The following KLHL3 variants were observed in gnomAD, a reference collection of about 807,000 sequenced individuals.
KLHL3 encodes the protein kelch like family member 3, also known as kelch-like protein 3.
Under a neutral mutation model 70.5 loss-of-function variants are expected in KLHL3, and 19 were observed. The observed-to-expected ratio is 0.27, with a 90% CI of 0.19 to 0.40. The LOEUF is 0.40. Ranked by LOEUF, KLHL3 falls within the 10% of genes least tolerant of loss-of-function variation. KLHL3 has a pLI of 1.00. For missense variants in KLHL3, 512 were observed against 771.1 expected (o/e 0.66, Z 3.98); for synonymous variants, 258 against 290.3 (o/e 0.89, Z 1.13).
chr5:137,711,315 G>C (rs1261495202), intron 2 of KLHL3, among the ~76,000 whole-genome samples: 1 of 152,174 alleles, frequency 6.6e-6, no homozygotes, highest in African/African-American at 2.4e-5. Context: ...GAGATCATCT[G>C]GTCTATGAAA....
At chr5:137,690,628 G>A (rs1378939951) in intron 5 of KLHL3, among the ~76,000 whole-genome samples, 1 of 152,172 alleles carries the variant, frequency 6.6e-6, no homozygotes, top group Admixed American at 6.5e-5. Context: ...TCAGAAAGAA[G>A]ACTTGTTTGT....
intron 7 of KLHL3, 91 bp downstream of exon 7, chr5:137,661,824 C>T (rs1362478395): frequency 4.0e-6 from 3 of 747,352 alleles, no homozygotes; most frequent in Non-Finnish European, 4.7e-6. Flanking sequence ...CCACTAAACC[C>T]TCAACTACTC....
chr5:137,687,256 G>C (rs1752207013), intron 5 of KLHL3, among the ~76,000 whole-genome samples: 1 of 39,572 alleles, frequency 2.5e-5, no homozygotes, highest in Non-Finnish European at 4.8e-5. Flanking sequence ...CGCGGGGGGG[G>C]GTCGGCCAGC....
chr5:137,665,639 G>GA (rs570765327), intron 6 of KLHL3, among the ~76,000 whole-genome samples: 6 of 151,942 alleles, frequency 3.9e-5, no homozygotes, highest in African/African-American at 1.5e-4. Context: ...AAATTCTAAG[G>GA]AAAAAAACTA....
At chr5:137,670,775 C>T in intron 6 of KLHL3, among the ~76,000 whole-genome samples, 1 of 151,786 alleles carries the variant, frequency 6.6e-6, no homozygotes, top group East Asian at 1.9e-4. Flanking sequence ...CAAGACTAGC[C>T]TGACCAATAT....
intron 5 of KLHL3, among the ~76,000 whole-genome samples, chr5:137,686,445 A>G (rs930291930): frequency 1.3e-5 from 2 of 152,336 alleles, no homozygotes; most frequent in Non-Finnish European, 2.9e-5. Context: ...AGAGAAGAAA[A>G]TAGGCTCAGG....
intron 1 of KLHL3, chr5:137,725,046 T>C: frequency 1.0e-6 from 1 of 982,570 alleles, no homozygotes; most frequent in Non-Finnish European, 1.2e-6. Flanking sequence ...CCCCTAAACC[T>C]TTTTCCCTCC....
intron 5 of KLHL3, among the ~76,000 whole-genome samples, chr5:137,686,833 T>A (rs1752177614): frequency 6.6e-6 from 1 of 152,268 alleles, no homozygotes; most frequent in African/African-American, 2.4e-5. Flanking sequence ...TCTTCTAACA[T>A]CTTTGCATCA....
At chr5:137,717,827 G>T (rs1387585926) in intron 2 of KLHL3, among the ~76,000 whole-genome samples, 1 of 152,066 alleles carries the variant, frequency 6.6e-6, no homozygotes, top group Admixed American at 6.6e-5. Flanking sequence ...TTCCTAGCCA[G>T]TCAAATATAT....
At chr5:137,692,240 G>A in intron 5 of KLHL3, 45 bp downstream of exon 5, 6 of 1,563,022 alleles carry the variant, frequency 3.8e-6, no homozygotes, top group Middle Eastern at 2.3e-4. Context: ...CAGGTGATTA[G>A]ATCCACAAAC....
rs111413975 is a variant in KLHL3, at chr5:137,681,334, C to T, written c.527-3680G>A. Reference sequence around the variant, plus strand: ...ATGAAGAAACCAGAACTGATGTCTACAAGGACCCTACTGCCTCACAAGCAA... The same window carrying T: ...ATGAAGAAACCAGAACTGATGTCTATAAGGACCCTACTGCCTCACAAGCAA... On this transcript the variant is annotated intron_variant, in intron 5 of 14. Transcript: ENST00000309755. Among the ~76,000 whole-genome samples, 29 of 152,274 alleles carry T rather than the reference C, an allele frequency of 1.9e-4. 2 individuals are homozygous for T. The highest frequency in any genetic ancestry group is 6.7e-4 in the African/African-American group (28 of 41,560).
In KLHL3 at chr5:137,692,279, C is replaced by G. The variant is rs901966578; in HGVS notation, c.526+6G>C. The G allele has an allele frequency of 3.1e-6, 5 of 1,610,124 alleles. No homozygotes were observed. In the African/African-American group the frequency reaches 6.7e-5, roughly 22 times the overall value. On this transcript the variant is annotated splice_donor_region_variant and intron_variant, in intron 5 of 14. Coordinates refer to ENST00000309755, the MANE Select transcript of KLHL3 (RefSeq NM_017415.3). ...GAGGAGGTGCAGCAGTCCGGCTCCC[C>G]CTTACCTGCGTAGGCATTGGCCTGC...
rs970810010 is a variant in KLHL3 at position 137,677,279 on chromosome 5, T to A, written c.636+266A>T. 19 of 264,404 alleles carry A rather than the reference T, an allele frequency of 7.2e-5. No individual in the cohort carries two copies. The South Asian group carries it at 9.6e-4, about 13-fold the overall frequency. The allele number at this position is 264,404 out of a possible 1,614,324, so 16.4% of individuals were successfully genotyped here. A position where few individuals can be genotyped will look rare whatever the true frequency, so the allele number is the denominator to read the frequency against. ...CTGGTCAACATGGTGAAACCCTGTC[T>A]CTACTGAAAATACAAAAAATTAGCT... is the stretch of plus-strand genomic sequence containing the variant. On this transcript the variant is annotated intron_variant, in intron 6 of 14. Coordinates refer to ENST00000309755, the MANE Select transcript of KLHL3 (RefSeq NM_017415.3).
rs775349043 is a variant in KLHL3, at chr5:137,735,639, C to T, written c.8G>A (p.Gly3Asp). 1 of 1,611,464 alleles carries T rather than the reference C, an allele frequency of 6.2e-7. No individual in the cohort carries two copies. Among genetic ancestry groups the T allele is most frequent in the Non-Finnish European group, 8.5e-7 (1 of 1,177,540 alleles). Residue 3 changes from glycine (G) to aspartate (D), a missense_variant, in exon 1 of 15, where the codon GGT (glycine) becomes GAT (aspartate). Coordinates refer to ENST00000309755, the MANE Select transcript of KLHL3 (RefSeq NM_017415.3). ...CACACTTATACATACATACCTTTCA[C>T]CCTCCATTGTGTGAGGCCCAGCCAG... Reference protein sequence around the residue: MEGESVKLSSQTL... With the variant: MEDESVKLSSQTL...
Position 137,628,310 on chromosome 5 carries a change from G to A in KLHL3, c.1578C>T (p.Cys526=). 1.2e-6 allele frequency: 2 copies of A among 1,614,034 alleles called. No individual in the cohort carries two copies. Among genetic ancestry groups the A allele is most frequent in the Non-Finnish European group, 8.5e-7 (1 of 1,179,996 alleles). The change falls in exon 13 of 15, where the codon TGC becomes TGT. Residue 526 remains cysteine (C), a synonymous_variant. Transcript: ENST00000309755. Reference sequence around the variant, plus strand: ...AGCAGTCATTACCTGCGTTGCGCCGGCACATGTTCATGTCTGCCACTTGCT... The same window carrying A: ...AGCAGTCATTACCTGCGTTGCGCCGACACATGTTCATGTCTGCCACTTGCT... ...TWKQVADMNM[C]RRNAGVCAVN... is the part of the protein sequence containing the mutation.
At chr5:137,725,454 C>T (rs1753071386) in intron 1 of KLHL3, among the ~76,000 whole-genome samples, 1 of 152,044 alleles carries the variant, frequency 6.6e-6, no homozygotes, top group Admixed American at 6.6e-5. Context: ...TCATATGTGC[C>T]CCTCCCACCA....
intron 6 of KLHL3, among the ~76,000 whole-genome samples, chr5:137,670,899 G>A (rs1751738240): frequency 6.6e-6 from 1 of 151,064 alleles, no homozygotes; most frequent in Non-Finnish European, 1.5e-5. Flanking sequence ...CTTGAACCTG[G>A]GAAGCGGAGG....
chr5:137,686,026 GA>G (rs1280530450), intron 5 of KLHL3, among the ~76,000 whole-genome samples: 8 of 152,136 alleles, frequency 5.3e-5, no homozygotes, highest in Non-Finnish European at 2.9e-5. Flanking sequence ...AACAGAAAAA[GA>G]AAGCTTTTTA....
chr5:137,660,426 A>G (rs1751443878), intron 7 of KLHL3, among the ~76,000 whole-genome samples: 1 of 152,166 alleles, frequency 6.6e-6, no homozygotes, highest in Admixed American at 6.5e-5. Flanking sequence ...TTCCCACAGG[A>G]CAGTGGGAGG....
Sources: allele counts gnomAD v4.1 joint callset (sites outside exome capture counted in the v4.1 genomes callset), GRCh38; gene constraint gnomAD v4.1.1; transcripts MANE v1.5; gene names NCBI Gene and HGNC (gene_info 2026-07-23, HGNC 2026-07-21).